Variants in CSMD1 observed in about 807,000 individuals in gnomAD.
CSMD1 encodes the protein CUB and Sushi multiple domains 1.
CSMD1 carries 213 observed loss-of-function variants against 417.5 expected under a neutral mutation model. The ratio of observed to expected loss-of-function variants is 0.51; its 90% CI spans 0.46 to 0.57. The LOEUF is 0.57. CSMD1 is among the 20% of genes least tolerant of loss of function. The probability of loss-of-function intolerance (pLI) is 0.00; values close to 1 mark genes in which losing one functional copy is unlikely to be tolerated. For missense variants in CSMD1, 6,923 were observed against 4,529.7 expected, an observed-to-expected ratio of 1.53 and a Z score of -15.17; for synonymous variants, 2,862 against 1,736.8, an observed-to-expected ratio of 1.65 and a Z score of -16.11.
At chr8:3,945,992 A>G (rs186550530) in intron 5 of CSMD1, among the ~76,000 whole-genome samples, 253 of 152,276 alleles carry the variant, frequency 1.7e-3, no homozygotes, top group Middle Eastern at 0.01. Context: ...ACCGTATTTA[A>G]AGCACTTTAC....
chr8:4,321,540 C>G (rs1220234572), intron 3 of CSMD1, among the ~76,000 whole-genome samples: 1 of 152,078 alleles, frequency 6.6e-6, no homozygotes, highest in Non-Finnish European at 1.5e-5. Flanking sequence ...GGATGAGTAT[C>G]TGGTATATCA....
At position 4,313,507 on chromosome 8, in the gene CSMD1, G is replaced by GAAAAA. The variant is rs34466873; in HGVS notation, c.415+106441_415+106445dup. Among the ~76,000 whole-genome samples the GAAAAA allele has an allele frequency of 3.2e-4, 44 of 136,800 alleles. 1 individual carries two copies. The highest frequency in any genetic ancestry group is 1.1e-3 in the African/African-American group (41 of 36,702). The allele number at this position is 136,800 out of a possible 152,430, so 89.7% of individuals were successfully genotyped here. ...TCCCAAAGGTCTTACATGTCAAAAT[G>GAAAAA]AAAAAAAAAAAAAAAATCACGCGTA... On this transcript the variant is annotated intron_variant, in intron 3 of 69. Transcript: ENST00000635120.
At chr8:3,681,733 G>C (rs1235490745) in intron 7 of CSMD1, among the ~76,000 whole-genome samples, 1 of 152,112 alleles carries the variant, frequency 6.6e-6, no homozygotes, top group Admixed American at 6.6e-5. Context: ...GCATTGCCAA[G>C]TCAATCCTAA....
rs201609853 is a variant in CSMD1 at position 3,022,110 on chromosome 8, G to A, written c.7856-3460C>T. On this transcript the variant is annotated intron_variant, in intron 51 of 69. Transcript: ENST00000635120. The stretch of plus-strand genomic sequence containing the variant: ...ATACACCCGCAATCCCACAGCATCC[G>A]GAATACACCCGCAATCCCACAGCAT... Among the ~76,000 whole-genome samples, 76 of 143,574 alleles carry A rather than the reference G, an allele frequency of 5.3e-4. 2 individuals carry two copies. In the East Asian group the frequency reaches 5.3e-3, roughly 10 times the overall value. 94.2% of individuals were successfully genotyped at this position (143,574 alleles called of 152,430 possible).
At chr8:3,584,357 A>T (rs762514567) in intron 9 of CSMD1, among the ~76,000 whole-genome samples, 7 of 152,170 alleles carry the variant, frequency 4.6e-5, no homozygotes, top group African/African-American at 7.2e-5. Context: ...CTGCGAAAAA[A>T]GTGTTCTCTT....
At chr8:3,402,053 T>C (rs1416246213) in intron 15 of CSMD1, among the ~76,000 whole-genome samples, 1 of 152,102 alleles carries the variant, frequency 6.6e-6, no homozygotes. Flanking sequence ...TGATTACATA[T>C]GTGTATTTTC....
intron 3 of CSMD1, among the ~76,000 whole-genome samples, chr8:4,050,037 T>C (rs1257744551): frequency 6.6e-6 from 1 of 152,196 alleles, no homozygotes; most frequent in Non-Finnish European, 1.5e-5. Flanking sequence ...CGGCCAGATA[T>C]TCTGTGGAAT....
At chr8:3,435,227 TG>T (rs1814473710) in intron 12 of CSMD1, among the ~76,000 whole-genome samples, 1 of 152,186 alleles carries the variant, frequency 6.6e-6, no homozygotes, top group Non-Finnish European at 1.5e-5. Flanking sequence ...CAGAGCTCCC[TG>T]GGAAAGAAAA....
chr8:3,059,078 G>C (rs969330439), intron 49 of CSMD1, among the ~76,000 whole-genome samples: 1 of 151,828 alleles, frequency 6.6e-6, no homozygotes, highest in African/African-American at 2.4e-5. Context: ...TTCCCCGCAT[G>C]TGTCTCCTCA....
chr8:3,773,191 T>C (rs995467036), intron 5 of CSMD1, among the ~76,000 whole-genome samples: 10 of 152,320 alleles, frequency 6.6e-5, no homozygotes, highest in Admixed American at 6.5e-4. Context: ...GACACTGACA[T>C]TTAGACGATG....
intron 1 of CSMD1, among the ~76,000 whole-genome samples, chr8:4,828,038 A>C (rs1332107988): frequency 2.0e-5 from 3 of 152,166 alleles, no homozygotes; most frequent in African/African-American, 7.2e-5. Context: ...AGCTACAATC[A>C]AAAGAAGCGT....
At chr8:4,447,132 A>C (rs7016689) in intron 2 of CSMD1, among the ~76,000 whole-genome samples, 258 of 152,274 alleles carry the variant, frequency 1.7e-3, no homozygotes, top group African/African-American at 5.9e-3. Flanking sequence ...TTGCAAATAG[A>C]ATGTTAAAGA....
In CSMD1 at chr8:4,397,894, C is replaced by G. The variant is rs79919756; in HGVS notation, c.415+22059G>C. On this transcript the variant is annotated intron_variant, in intron 3 of 69. Transcript: ENST00000635120. The stretch of plus-strand genomic sequence containing the variant: ...ATTTTCTTCCAATGTTCTAATGGCT[C>G]CAATTGTCACAATTTTAAGCTTGTT... 3.5e-4 allele frequency among the ~76,000 whole-genome samples: 53 copies of G among 152,132 alleles called. No homozygotes were observed. The East Asian group carries it at 0.01, about 29-fold the overall frequency.
chr8:4,584,615 T>A (rs569312687), intron 2 of CSMD1, among the ~76,000 whole-genome samples: 2 of 152,192 alleles, frequency 1.3e-5, no homozygotes, highest in African/African-American at 4.8e-5. Context: ...AGGAAAGCCA[T>A]GCAGCTCCGG....
chr8:3,931,988 G>C (rs73174464), intron 5 of CSMD1, among the ~76,000 whole-genome samples: 5,695 of 149,666 alleles, frequency 0.038, 379 homozygotes, highest in Non-Finnish European at 0.049. Flanking sequence ...TATTGATTTA[G>C]ATGTAGAAAT....
intron 26 of CSMD1, among the ~76,000 whole-genome samples, chr8:3,246,682 T>A (rs987582675): frequency 6.6e-6 from 1 of 152,162 alleles, no homozygotes; most frequent in Non-Finnish European, 1.5e-5. Context: ...ATGTTGGCCA[T>A]GCTGGCCTCG....
chr8:4,496,467 G>A (rs149176841), intron 2 of CSMD1, among the ~76,000 whole-genome samples: 2,665 of 152,260 alleles, frequency 0.018, 31 homozygotes, highest in Non-Finnish European at 0.027. Context: ...CAAGCCAAGA[G>A]AACGTGGAAT....
At chr8:3,000,926 CAG>C (rs1307896429) in intron 52 of CSMD1, among the ~76,000 whole-genome samples, 2 of 152,046 alleles carry the variant, frequency 1.3e-5, no homozygotes, top group Admixed American at 1.3e-4. Context: ...GCTTTAGTAA[CAG>C]AGCTTCCACA....
chr8:3,814,108 C>T lies in CSMD1; in HGVS notation c.819-60066G>A, dbSNP rs576415613. Among the ~76,000 whole-genome samples, 11 of 152,268 alleles carry T rather than the reference C, an allele frequency of 7.2e-5. No individual in the cohort carries two copies. The South Asian group carries it at 1.0e-3, about 14-fold the overall frequency. On this transcript the variant is annotated intron_variant, in intron 5 of 69. Coordinates refer to ENST00000635120, the MANE Select transcript of CSMD1 (RefSeq NM_033225.6). ...CTGAAGGAAGAGCTTGAGATCAGAA[C>T]CCATGTTCTTTGCAATAACGTACCA...
Sources: allele counts gnomAD v4.1 joint callset (sites outside exome capture counted in the v4.1 genomes callset), GRCh38; gene constraint gnomAD v4.1.1; transcripts MANE v1.5; gene names NCBI Gene and HGNC (gene_info 2026-07-23, HGNC 2026-07-21).